The following RP1 variants were observed in gnomAD, a reference collection of about 807,000 sequenced individuals.
RP1 encodes the protein RP1 axonemal microtubule associated.
Under a neutral mutation model 14.8 loss-of-function variants are expected in RP1, and 16 were observed. The observed-to-expected ratio is 1.08, with a 90% confidence interval of 0.73 to 1.65. The LOEUF is 1.65. RP1 is among the 40% of genes most tolerant of loss of function. The pLI, the probability that RP1 is intolerant of heterozygous loss-of-function variation, is 0.00. For missense variants in RP1, 2,631 were observed against 2,535.0 expected (o/e 1.04, Z -0.81); for synonymous variants, 876 against 883.6 (o/e 0.99, Z 0.15).
In RP1 at chr8:54,867,132, A is replaced by G. The variant is rs562771294; in HGVS notation, c.4151+1216A>G. On this transcript the variant is annotated intron_variant, in intron 28 of 28. Transcript: ENST00000637698. ...ATTTAGTAGGTGGCTCAGCATCACT[A>G]TTCCCTAAAGTGAGGGACACTCTTC... Among the ~76,000 whole-genome samples the G allele has an allele frequency of 4.1e-4, 63 of 152,304 alleles. No homozygotes were observed. In the South Asian group the frequency reaches 0.012, roughly 29 times the overall value.
chr8:54,628,449 A>G lies in RP1; in HGVS notation c.4567A>G (p.Ile1523Val). 1 of 1,613,448 alleles carries G rather than the reference A, an allele frequency of 6.2e-7. No individual in the cohort carries two copies. The highest frequency in any genetic ancestry group is 8.5e-7 in the Non-Finnish European group (1 of 1,179,646). The change falls in exon 4 of 4, where the codon ATA becomes GTA. Residue 1523 changes from isoleucine (I) to valine (V), a missense_variant. Coordinates refer to ENST00000220676, the MANE Select transcript of RP1 (RefSeq NM_006269.2). ...NIMEEKRMNG[I>V]IYEIISKRLA... ...TATGGAAGAAAAAAGAATGAACGGTATAATTTATGAAATAATCAGTAAGAG... is the reference window on the plus strand; with the variant it reads ...TATGGAAGAAAAAAGAATGAACGGTGTAATTTATGAAATAATCAGTAAGAG...
intron 24 of RP1, among the ~76,000 whole-genome samples, chr8:54,821,354 C>T (rs1020214788): frequency 6.6e-6 from 1 of 152,114 alleles, no homozygotes; most frequent in Non-Finnish European, 1.5e-5. Flanking sequence ...AGGATAATCC[C>T]ACAGGTGGAC....
At chr8:54,821,011 A>G (rs1016321970) in intron 24 of RP1, among the ~76,000 whole-genome samples, 1 of 152,190 alleles carries the variant, frequency 6.6e-6, no homozygotes, top group Non-Finnish European at 1.5e-5. Context: ...CACAAAGCAG[A>G]ATAAAAAGCC....
intron 4 of RP1, chr8:54,652,768 G>T: frequency 6.5e-7 from 1 of 1,527,522 alleles, no homozygotes; most frequent in Non-Finnish European, 8.8e-7. Flanking sequence ...TTGTTCCCTT[G>T]GCTCTTCATA....
At chr8:54,569,413 C>A (rs578201703) in intron 1 of RP1, among the ~76,000 whole-genome samples, 1 of 152,282 alleles carries the variant, frequency 6.6e-6, no homozygotes, top group South Asian at 2.1e-4. Context: ...TTGTAATTTG[C>A]CTTGCCTTGT....
chr8:54,625,389 C>T lies in RP1; in HGVS notation c.1507C>T (p.His503Tyr), dbSNP rs1304031163. 2 of 1,614,016 alleles carry T rather than the reference C, an allele frequency of 1.2e-6. No individual in the cohort carries two copies. Among genetic ancestry groups the T allele is most frequent in the East Asian group, 2.2e-5 (1 of 44,874 alleles). ...CAAGTCTGAGTATCACATGTTTACA[C>T]ATTCTTGCAGTAAAATGTCATCAGT... ...ENKSEYHMFT[H>Y]SCSKMSSVSN... The change falls in exon 4 of 4, where the codon CAT (histidine) becomes TAT (tyrosine). Residue 503 changes from histidine (H) to tyrosine (Y), a missense_variant. Transcript: ENST00000220676.
At chr8:54,715,288 G>GCTGTTT (rs1808375722) in intron 15 of RP1, among the ~76,000 whole-genome samples, 1 of 152,118 alleles carries the variant, frequency 6.6e-6, no homozygotes, top group Middle Eastern at 3.2e-3. Flanking sequence ...TGTGTAGGAA[G>GCTGTTT]GCGCACCTTT....
At chr8:54,799,386 G>C (rs1331684399) in intron 24 of RP1, among the ~76,000 whole-genome samples, 1 of 151,748 alleles carries the variant, frequency 6.6e-6, no homozygotes, top group Non-Finnish European at 1.5e-5. Flanking sequence ...TATCTTTATA[G>C]TCAATGGGTT....
intron 21 of RP1, chr8:54,755,920 CTTTG>C (rs1809495933): frequency 2.8e-6 from 2 of 723,304 alleles, no homozygotes; most frequent in Non-Finnish European, 4.1e-6. Flanking sequence ...TCCTAATGTG[CTTTG>C]TTTTGGAAGT....
intron 19 of RP1, among the ~76,000 whole-genome samples, chr8:54,750,030 T>A (rs1181465992): frequency 6.6e-6 from 1 of 152,054 alleles, no homozygotes; most frequent in South Asian, 2.1e-4. Flanking sequence ...TCCCAGATGG[T>A]CGTGGTCAGC....
At chr8:54,868,356 T>C (rs141464363) in intron 28 of RP1, among the ~76,000 whole-genome samples, 3 of 152,342 alleles carry the variant, frequency 2.0e-5, no homozygotes, top group African/African-American at 4.8e-5. Context: ...TGCACTGTTA[T>C]CATTAACTAT....
intron 22 of RP1, among the ~76,000 whole-genome samples, chr8:54,769,347 T>C (rs1485253868): frequency 2.0e-5 from 3 of 152,220 alleles, no homozygotes; most frequent in African/African-American, 7.2e-5. Context: ...CCATATTTTC[T>C]AGGCTGGCCC....
chr8:54,843,337 C>T (rs1343981191), intron 25 of RP1, among the ~76,000 whole-genome samples: 1 of 152,200 alleles, frequency 6.6e-6, no homozygotes, highest in Admixed American at 6.5e-5. Context: ...CCGCTTCGGC[C>T]TCCCAAAAGG....
At chr8:54,731,995 C>G (rs73679606) in intron 17 of RP1, among the ~76,000 whole-genome samples, 1 of 152,228 alleles carries the variant, frequency 6.6e-6, no homozygotes, top group Non-Finnish European at 1.5e-5. Context: ...GACTGGCTCT[C>G]TGTTGCTTGC....
chr8:54,845,518 T>A (rs1811898427), intron 25 of RP1, among the ~76,000 whole-genome samples: 1 of 152,192 alleles, frequency 6.6e-6, no homozygotes, highest in Non-Finnish European at 1.5e-5. Flanking sequence ...TCTGCAGCAG[T>A]GCCCTCAGAA....
chr8:54,678,557 A>C (rs1212514012), intron 9 of RP1: 5 of 1,523,258 alleles, frequency 3.3e-6, no homozygotes, highest in Non-Finnish European at 4.4e-6. Flanking sequence ...GTACTTTTAC[A>C]TCGAAAAAAT....
At chr8:54,798,853 T>C (rs1810635137) in intron 24 of RP1, among the ~76,000 whole-genome samples, 1 of 152,162 alleles carries the variant, frequency 6.6e-6, no homozygotes, top group South Asian at 2.1e-4. Flanking sequence ...TCTATTTTTG[T>C]TTTCATCTTC....
intron 17 of RP1, among the ~76,000 whole-genome samples, chr8:54,727,844 TA>T (rs1563359233): frequency 6.6e-6 from 1 of 151,254 alleles, no homozygotes; most frequent in Admixed American, 6.6e-5. Context: ...ATGAAGGAAA[TA>T]TCCAGAGCAT....
chr8:54,657,643 T>C (rs565737795), intron 6 of RP1, among the ~76,000 whole-genome samples: 48 of 152,296 alleles, frequency 3.2e-4, no homozygotes, highest in African/African-American at 1.1e-3. Flanking sequence ...TTCTAGGTGG[T>C]ACAAATAATG....
Sources: gnomAD v4.1 joint callset for allele counts (sites outside exome capture counted in the v4.1 genomes callset) on GRCh38, gnomAD v4.1.1 for gene constraint, MANE v1.5 for transcripts, NCBI Gene and HGNC (gene_info 2026-07-23, HGNC 2026-07-21) for gene names.